The following CDH23 variants were observed in gnomAD, a reference collection of about 807,000 sequenced individuals.
CDH23 encodes cadherin-23.
Under a neutral mutation model 317.1 loss-of-function variants are expected in CDH23, and 189 were observed. The ratio of observed to expected loss-of-function variants is 0.60; its 90% CI spans 0.53 to 0.67. The LOEUF (loss-of-function observed/expected upper bound fraction) is 0.67, where lower values mean the gene tolerates loss of function less well. CDH23 is among the 30% of genes least tolerant of loss of function. The pLI, the probability that CDH23 is intolerant of heterozygous loss-of-function variation, is 0.00. For synonymous variants in CDH23, 1,839 were observed against 1,876.8 expected, an observed-to-expected ratio of 0.98 and a Z score of 0.52; for missense variants, 4,401 against 4,592.4, an observed-to-expected ratio of 0.96 and a Z score of 1.20.
At chr10:71,588,866 G>A (rs1345084316) in intron 9 of CDH23, among the ~76,000 whole-genome samples, 2 of 152,166 alleles carry the variant, frequency 1.3e-5, no homozygotes, top group African/African-American at 4.8e-5. Flanking sequence ...CCCCTGAAAT[G>A]GCCCAGCATC....
intron 1 of CDH23, among the ~76,000 whole-genome samples, chr10:71,411,974 C>A (rs939111152): frequency 3.3e-5 from 5 of 152,204 alleles, no homozygotes; most frequent in African/African-American, 9.7e-5. Flanking sequence ...CATTCCTTCT[C>A]CCATCTGCCC....
chr10:71,657,152 C>T (rs1325698592), intron 14 of CDH23, among the ~76,000 whole-genome samples: 1 of 152,192 alleles, frequency 6.6e-6, no homozygotes, highest in Non-Finnish European at 1.5e-5. Flanking sequence ...GTGGGCCCTG[C>T]ACCATCCCGA....
In CDH23 at chr10:71,779,366, G is replaced by A. The variant is rs1840895261; in HGVS notation, c.5287G>A (p.Val1763Met). The change falls in exon 41 of 70, where the codon GTG (valine) becomes ATG (methionine). Residue 1763 changes from valine to methionine, a missense_variant. Val to Met is a conservative substitution (Grantham distance 21, BLOSUM62 1). This residue lies in a region of CDH23 where 3,068 missense variants were observed against 3,203.3 expected (regional missense o/e 0.96). Coordinates refer to ENST00000224721, the MANE Select transcript of CDH23 (RefSeq NM_022124.6). The stretch of plus-strand genomic sequence containing the variant: ...CACTGAGGGCCAGCCGGGGCCCAGA[G>A]TGTGGACCTTCCTGGCCCATGACCG... ...EVTEGQPGPRVWTFLAHDRDS... is the reference protein window; with the variant it reads ...EVTEGQPGPRMWTFLAHDRDS... The A allele has an allele frequency of 4.3e-6, 7 of 1,613,990 alleles. No homozygotes were observed. In the South Asian group the frequency reaches 7.7e-5, roughly 18 times the overall value.
chr10:71,570,994 C>T lies in CDH23; in HGVS notation c.753+76C>T, dbSNP rs1376865510. The T allele has an allele frequency of 1.9e-6, 3 of 1,541,970 alleles. No individual in the cohort carries two copies. In the East Asian group the frequency reaches 6.8e-5, roughly 35 times the overall value. On this transcript the variant is annotated intron_variant, in intron 8 of 69. Coordinates refer to ENST00000224721, the MANE Select transcript of CDH23 (RefSeq NM_022124.6). ...CTTCTGAGCTCCTGTTAGGGATGGG[C>T]CCTGTTAGTGGGCTGGGCTCCTCCT... is the stretch of plus-strand genomic sequence containing the variant.
At chr10:71,739,258 GA>G (rs1287907649) in intron 35 of CDH23, among the ~76,000 whole-genome samples, 1 of 152,170 alleles carries the variant, frequency 6.6e-6, no homozygotes, top group Non-Finnish European at 1.5e-5. Context: ...TGTGAACTGA[GA>G]ACAGTTGCTT....
intron 3 of CDH23, among the ~76,000 whole-genome samples, chr10:71,478,367 C>T (rs1851898042): frequency 6.6e-6 from 1 of 152,220 alleles, no homozygotes. Context: ...AGGGCCTTTG[C>T]ACCTGCAGTT....
chr10:71,793,775 G>A lies in CDH23; in HGVS notation c.6712+135G>A, dbSNP rs1009329986. 2.0e-5 allele frequency: 14 copies of A among 687,356 alleles called. No homozygotes were observed. In the South Asian group the frequency reaches 2.8e-4, roughly 14 times the overall value. 42.6% of individuals were successfully genotyped at this position (687,356 alleles called of 1,614,324 possible). A position where few individuals can be genotyped will look rare whatever the true frequency, so the allele number is the denominator to read the frequency against. On this transcript the variant is annotated intron_variant, in intron 48 of 69. Coordinates refer to ENST00000224721, the MANE Select transcript of CDH23 (RefSeq NM_022124.6). The stretch of plus-strand genomic sequence containing the variant: ...CTCTCTTCTCTCCCCCTCCTCTGGA[G>A]GGAAACCAGAACCGTCCTTCTCTTT...
intron 11 of CDH23, among the ~76,000 whole-genome samples, chr10:71,628,910 T>C (rs988646377): frequency 2.6e-5 from 4 of 152,204 alleles, no homozygotes; most frequent in Non-Finnish European, 4.4e-5. Flanking sequence ...AACACACGGA[T>C]GATATCTTTG....
chr10:71,606,231 A>C (rs1860517830), intron 9 of CDH23, among the ~76,000 whole-genome samples: 1 of 152,198 alleles, frequency 6.6e-6, no homozygotes, highest in African/African-American at 2.4e-5. Flanking sequence ...TGTGGTGTAA[A>C]ATGCCTGTAA....
chr10:71,425,371 A>AGAAGGAATGAAGGAAGGAAGGAAGGAAG, intron 1 of CDH23, among the ~76,000 whole-genome samples: 1 of 82,418 alleles, frequency 1.2e-5, no homozygotes, highest in Non-Finnish European at 2.5e-5. Context: ...AAGAGAGAGG[A>AGAAGGAATGAAGGAAGGAAGGAAGGAAG]GAAGGAAGGA....
At chr10:71,402,565 T>C (rs1564556999) in intron 1 of CDH23, among the ~76,000 whole-genome samples, 1 of 152,240 alleles carries the variant, frequency 6.6e-6, no homozygotes. Flanking sequence ...GCGCACAGTA[T>C]ACATGCAAAA....
At chr10:71,550,501 A>G (rs1035341912) in intron 6 of CDH23, among the ~76,000 whole-genome samples, 4 of 144,028 alleles carry the variant, frequency 2.8e-5, no homozygotes, top group African/African-American at 1.0e-4. Context: ...TTCAGGCTGC[A>G]GTAAGCTGTG....
chr10:71,664,653 C>T (rs529744047), intron 14 of CDH23, among the ~76,000 whole-genome samples: 1 of 152,356 alleles, frequency 6.6e-6, no homozygotes, highest in South Asian at 2.1e-4. Context: ...GTGTGCTGGG[C>T]ACAGAGCTAA....
intron 18 of CDH23, among the ~76,000 whole-genome samples, chr10:71,687,042 G>C (rs1864932785): frequency 6.6e-6 from 1 of 152,202 alleles, no homozygotes; most frequent in Admixed American, 6.5e-5. Flanking sequence ...CTTTAGAACT[G>C]ACAGGGGTGG....
intron 14 of CDH23, among the ~76,000 whole-genome samples, chr10:71,669,070 G>A (rs1864033139): frequency 6.6e-6 from 1 of 152,238 alleles, no homozygotes; most frequent in African/African-American, 2.4e-5. Flanking sequence ...CATGCTGACT[G>A]TAGGGCAGAG....
intron 12 of CDH23, among the ~76,000 whole-genome samples, chr10:71,644,377 C>T (rs1862727955): frequency 6.6e-6 from 1 of 152,214 alleles, no homozygotes; most frequent in East Asian, 1.9e-4. Context: ...TGCCAGTTTG[C>T]TAAAATGGGA....
intron 38 of CDH23, chr10:71,773,408 C>A (rs1334848983): frequency 6.2e-7 from 1 of 1,608,656 alleles, no homozygotes; most frequent in African/African-American, 1.3e-5. Context: ...CCAGCGCCAG[C>A]TGCCGGCCTC....
At chr10:71,608,984 C>T (rs1054810573) in intron 9 of CDH23, among the ~76,000 whole-genome samples, 1 of 152,184 alleles carries the variant, frequency 6.6e-6, no homozygotes, top group East Asian at 1.9e-4. Context: ...TGTTCCCGCA[C>T]GCACCATCGG....
chr10:71,765,013 G>C (rs970319621), intron 38 of CDH23, among the ~76,000 whole-genome samples: 1 of 152,208 alleles, frequency 6.6e-6, no homozygotes, highest in Admixed American at 6.5e-5. Context: ...CTTCACACCT[G>C]AGTGGGGTGG....
Sources: allele counts gnomAD v4.1 joint callset (sites outside exome capture counted in the v4.1 genomes callset), GRCh38; gene constraint gnomAD v4.1.1; regional missense constraint gnomAD v4.1.1; transcripts MANE v1.5; gene names NCBI Gene and HGNC (gene_info 2026-07-23, HGNC 2026-07-21).